The following NAA20 variants were observed in gnomAD, a reference collection of about 807,000 sequenced individuals.
NAA20 encodes the protein N-alpha-acetyltransferase 20, NatB catalytic subunit.
In NAA20, 24 loss-of-function variants were observed where a neutral mutation model predicts 23.8. The ratio of observed to expected loss-of-function variants is 1.01; its 90% CI spans 0.73 to 1.42. The LOEUF (loss-of-function observed/expected upper bound fraction) is 1.42, where lower values mean the gene tolerates loss of function less well. Among genes scored for constraint, NAA20 ranks in the 40% most tolerant of loss-of-function variants. The pLI is 0.00. For missense variants in NAA20, 166 were observed against 223.1 expected (o/e 0.74, Z 1.63); for synonymous variants, 83 against 77.7 (o/e 1.07, Z -0.36).
intron 1 of NAA20, chr20:20,018,902 G>A (rs2043249882): frequency 1.0e-6 from 1 of 985,296 alleles, no homozygotes; most frequent in African/African-American, 1.7e-5. Context: ...CTTCATCCAA[G>A]GATATTGGCT....
chr20:20,027,726 A>G (rs953840497), intron 4 of NAA20, among the ~76,000 whole-genome samples: 1 of 151,464 alleles, frequency 6.6e-6, no homozygotes, highest in Non-Finnish European at 1.5e-5. Context: ...ACCTGAGTGC[A>G]CAGTTTGCGA....
intron 2 of NAA20, among the ~76,000 whole-genome samples, chr20:20,023,946 C>T (rs2043289416): frequency 6.6e-6 from 1 of 152,162 alleles, no homozygotes; most frequent in South Asian, 2.1e-4. Context: ...GAAATAGAGG[C>T]AGTTTGTCAG....
chr20:20,026,827 C>T lies in NAA20; in HGVS notation c.213C>T (p.His71=), dbSNP rs142458302. 8.9e-5 allele frequency: 144 copies of T among 1,614,118 alleles called. No homozygotes were observed. Among genetic ancestry groups the T allele is most frequent in the African/African-American group, 6.9e-4 (52 of 75,034 alleles). The part of the protein sequence containing the change: ...AEGSVAREEW[H]GHVTALSVAP... Reference sequence around the variant, plus strand: ...GCTCAGTAGCTAGGGAAGAATGGCACGGGCACGTCACAGCTCTGTCTGTTG... The same window carrying T: ...GCTCAGTAGCTAGGGAAGAATGGCATGGGCACGTCACAGCTCTGTCTGTTG... Residue 71 remains histidine (H), a synonymous_variant, in exon 4 of 6, where the codon CAC becomes CAT. Transcript: ENST00000334982.
intron 1 of NAA20, among the ~76,000 whole-genome samples, chr20:20,019,774 CAG>C (rs1314737245): frequency 6.6e-6 from 1 of 152,140 alleles, no homozygotes; most frequent in Non-Finnish European, 1.5e-5. Context: ...TTTGTGGAGA[CAG>C]GGTCTTGTTT....
chr20:20,032,070 G>GT (rs1209986080), intron 4 of NAA20, among the ~76,000 whole-genome samples: 4 of 152,166 alleles, frequency 2.6e-5, no homozygotes, highest in African/African-American at 9.7e-5. Flanking sequence ...AGCCAGAAAC[G>GT]TATCAACAGG....
chr20:20,028,383 T>C (rs1164692850), intron 4 of NAA20, among the ~76,000 whole-genome samples: 2 of 152,064 alleles, frequency 1.3e-5, no homozygotes, highest in East Asian at 1.9e-4. Flanking sequence ...AAATACCTAA[T>C]GTAGATGACG....
At chr20:20,025,259 A>C (rs1271558325) in intron 2 of NAA20, among the ~76,000 whole-genome samples, 1 of 152,242 alleles carries the variant, frequency 6.6e-6, no homozygotes, top group East Asian at 1.9e-4. Context: ...GCAATTATGT[A>C]AGCATCAGTG....
At chr20:20,032,694 C>G in intron 5 of NAA20, 41 bp downstream of exon 5, 1 of 1,523,310 alleles carries the variant, frequency 6.6e-7, no homozygotes, top group Non-Finnish European at 8.8e-7. Context: ...GAAGTCGAAA[C>G]AGTTACATTC....
At chr20:20,023,163 C>T (rs943307557) in intron 2 of NAA20, among the ~76,000 whole-genome samples, 8 of 152,028 alleles carry the variant, frequency 5.3e-5, no homozygotes, top group African/African-American at 1.9e-4. Flanking sequence ...TGGCTCACTC[C>T]GTAATCCCAG....
intron 2 of NAA20, among the ~76,000 whole-genome samples, chr20:20,023,474 G>C (rs987759853): frequency 2.6e-5 from 4 of 152,132 alleles, no homozygotes; most frequent in African/African-American, 9.7e-5. Context: ...TAAAGTGAAG[G>C]CTTTGAGGTA....
chr20:20,017,452 G>A lies in NAA20; in HGVS notation c.53+3G>A. 1 of 1,610,004 alleles carries A rather than the reference G, an allele frequency of 6.2e-7. No homozygotes were observed. Among genetic ancestry groups the A allele is most frequent in the Non-Finnish European group, 8.5e-7 (1 of 1,178,708 alleles). ...GACCTGTTCCGCTTCAACAACATGT[G>A]AGTGACACGCGCCTAGGGCCAGCCG... On this transcript the variant is annotated splice_donor_region_variant and intron_variant, in intron 1 of 5. Coordinates refer to ENST00000334982, the MANE Select transcript of NAA20 (RefSeq NM_016100.5).
At chr20:20,032,976 C>T (rs1179776438) in intron 5 of NAA20, 126 bp from the exon 6 acceptor site, 1 of 768,048 alleles carries the variant, frequency 1.3e-6, no homozygotes, top group Non-Finnish European at 2.1e-6. Flanking sequence ...TTTATAAATA[C>T]ATTTTGCTTA....
At chr20:20,031,472 A>G (rs1601132777) in intron 4 of NAA20, among the ~76,000 whole-genome samples, 2 of 152,314 alleles carry the variant, frequency 1.3e-5, no homozygotes, top group Admixed American at 1.3e-4. Flanking sequence ...CAAAACTAAG[A>G]AGTCTTTTGA....
intron 1 of NAA20, chr20:20,018,133 TCG>T: frequency 6.3e-7 from 1 of 1,577,682 alleles, no homozygotes; most frequent in Admixed American, 1.7e-5. Context: ...TAGGGGAGGC[TCG>T]CTGTGCCCAG....
intron 1 of NAA20, chr20:20,018,148 C>T (rs1030992047): frequency 4.0e-6 from 6 of 1,514,058 alleles, no homozygotes; most frequent in Middle Eastern, 1.7e-4. Context: ...GTGCCCAGAG[C>T]CCTGGATGCA....
chr20:20,031,710 A>G (rs114579294), intron 4 of NAA20, among the ~76,000 whole-genome samples: 1,752 of 152,332 alleles, frequency 0.012, 23 homozygotes, highest in African/African-American at 0.04. Flanking sequence ...TAGCGGGGGA[A>G]AAATTGTATG....
rs776763963 is a variant in NAA20, at chr20:20,017,464, C to A, written c.53+15C>A. ...TTCAACAACATGTGAGTGACACGCGCCTAGGGCCAGCCGCTCTTGGCCGGG... is the reference window on the plus strand; with the variant it reads ...TTCAACAACATGTGAGTGACACGCGACTAGGGCCAGCCGCTCTTGGCCGGG... On this transcript the variant is annotated intron_variant, in intron 1 of 5. Transcript: ENST00000334982. 6.2e-7 allele frequency: 1 copy of A among 1,604,678 alleles called. No homozygotes were observed. The highest frequency in any genetic ancestry group is 1.7e-5 in the Admixed American group (1 of 59,398).
intron 1 of NAA20, among the ~76,000 whole-genome samples, chr20:20,020,859 A>T (rs1418830010): frequency 6.6e-6 from 1 of 152,176 alleles, no homozygotes; most frequent in African/African-American, 2.4e-5. Flanking sequence ...CTCAGTGCAC[A>T]TCATATTTGT....
At chr20:20,030,160 A>G (rs1218037975) in intron 4 of NAA20, among the ~76,000 whole-genome samples, 1 of 152,262 alleles carries the variant, frequency 6.6e-6, no homozygotes, top group African/African-American at 2.4e-5. Context: ...GATAACCTTG[A>G]TAACAATACT....
Sources: gnomAD v4.1 joint callset for allele counts (sites outside exome capture counted in the v4.1 genomes callset) on GRCh38, gnomAD v4.1.1 for gene constraint, MANE v1.5 for transcripts, NCBI Gene and HGNC (gene_info 2026-07-23, HGNC 2026-07-21) for gene names.